The following PELI2 variants were observed in gnomAD, a reference collection of about 807,000 sequenced individuals.
PELI2 encodes the protein pellino E3 ubiquitin protein ligase family member 2, also known as E3 ubiquitin-protein ligase pellino homolog 2.
PELI2 carries 23 observed loss-of-function variants against 42.3 expected under a neutral mutation model. That is an observed-to-expected ratio of 0.54 (90% confidence interval 0.39 to 0.77). PELI2 has a LOEUF of 0.77. PELI2 is among the 30% of genes least tolerant of loss of function. The pLI, the probability that PELI2 is intolerant of heterozygous loss-of-function variation, is 0.00. For synonymous variants in PELI2, 245 were observed against 212.2 expected, an observed-to-expected ratio of 1.15 and a Z score of -1.34; for missense variants, 463 against 553.2, an observed-to-expected ratio of 0.84 and a Z score of 1.64.
intron 5 of PELI2, among the ~76,000 whole-genome samples, chr14:56,294,946 G>A (rs1889951483): frequency 6.6e-6 from 1 of 152,156 alleles, no homozygotes. Context: ...AGACCACAGA[G>A]CTACTAAGTG....
In PELI2 at chr14:56,121,504, CACA is replaced by C. The variant is rs537645578; in HGVS notation, c.77+2770_77+2772del. On this transcript the variant is annotated intron_variant, in intron 1 of 5. Transcript: ENST00000267460. ...TTCCAGCCAGTTAATGTATCATAGC[CACA>C]ACTCTTTGTTGTGTCCACTACTTAA... 1.1e-3 allele frequency among the ~76,000 whole-genome samples: 174 copies of C among 152,232 alleles called. 1 individual carries two copies. The highest frequency in any genetic ancestry group is 4.0e-3 in the African/African-American group (164 of 41,516).
At chr14:56,161,286 A>C (rs1167441382) in intron 1 of PELI2, among the ~76,000 whole-genome samples, 1 of 146,190 alleles carries the variant, frequency 6.8e-6, no homozygotes, top group Non-Finnish European at 1.5e-5. Context: ...GGGGTCTTTC[A>C]TCTGTTCATC....
chr14:56,296,223 G>C lies in PELI2; in HGVS notation c.697-377G>C, dbSNP rs573217990. Among the ~76,000 whole-genome samples, 3 of 152,328 alleles carry C rather than the reference G, an allele frequency of 2.0e-5. No individual in the cohort carries two copies. In the South Asian group the frequency reaches 6.2e-4, roughly 32 times the overall value. ...TCAAGATGAGGATGAGTCTCCACTG[G>C]ATGGACTGGTAGGACATCTCTCATC... On this transcript the variant is annotated intron_variant, in intron 5 of 5. Transcript: ENST00000267460.
intron 1 of PELI2, among the ~76,000 whole-genome samples, chr14:56,151,510 T>C (rs10138039): frequency 7.7e-4 from 117 of 152,302 alleles, no homozygotes; most frequent in African/African-American, 2.7e-3. Flanking sequence ...TAATAATACC[T>C]CAACCATTAG....
intron 2 of PELI2, among the ~76,000 whole-genome samples, chr14:56,258,210 C>T (rs1346388875): frequency 6.6e-6 from 1 of 152,086 alleles, no homozygotes; most frequent in African/African-American, 2.4e-5. Flanking sequence ...AGCTTAAAAG[C>T]AAGTCTTGGG....
chr14:56,291,062 ATTCT>A (rs1336714433), intron 5 of PELI2, among the ~76,000 whole-genome samples: 3 of 152,152 alleles, frequency 2.0e-5, no homozygotes, highest in African/African-American at 7.2e-5. Context: ...TTTTAAACCC[ATTCT>A]TTCTTGGAGA....
At chr14:56,202,931 A>G (rs1403166359) in intron 2 of PELI2, among the ~76,000 whole-genome samples, 4 of 152,188 alleles carry the variant, frequency 2.6e-5, no homozygotes, top group African/African-American at 9.6e-5. Context: ...GCCCTTTATT[A>G]AAAGAGATTA....
intron 2 of PELI2, among the ~76,000 whole-genome samples, chr14:56,187,776 T>C (rs892003063): frequency 6.6e-6 from 1 of 152,004 alleles, no homozygotes; most frequent in African/African-American, 2.4e-5. Context: ...TTCAGGAAGA[T>C]TTGGTTTTGT....
chr14:56,228,819 C>T (rs531508762), intron 2 of PELI2, among the ~76,000 whole-genome samples: 37 of 152,306 alleles, frequency 2.4e-4, no homozygotes, highest in African/African-American at 3.4e-4. Flanking sequence ...ACCTGGGAAG[C>T]GCAAGAGATC....
intron 1 of PELI2, among the ~76,000 whole-genome samples, chr14:56,174,291 C>T (rs1397473767): frequency 6.6e-6 from 1 of 152,248 alleles, no homozygotes; most frequent in African/African-American, 2.4e-5. Flanking sequence ...CATCTTGCCT[C>T]TAATCTGGTC....
At chr14:56,269,307 G>T (rs1566675299) in intron 2 of PELI2, among the ~76,000 whole-genome samples, 1 of 152,000 alleles carries the variant, frequency 6.6e-6, no homozygotes, top group Non-Finnish European at 1.5e-5. Context: ...GCTGGGTGTG[G>T]TGGTGTGCGC....
rs750442538 is a variant in PELI2, at chr14:56,219,631, A to G, written c.207+41167A>G. The stretch of plus-strand genomic sequence containing the variant: ...CTCCTTAGTCCTACTCCCAGGACAC[A>G]TTTGTTCTTGTTTATGGATGATTCT... On this transcript the variant is annotated intron_variant, in intron 2 of 5. Coordinates refer to ENST00000267460, the MANE Select transcript of PELI2 (RefSeq NM_021255.3). The surrounding 1 kb of genome is among the most constrained non-coding windows in gnomAD (Gnocchi z 4.1). 3.9e-5 allele frequency among the ~76,000 whole-genome samples: 6 copies of G among 152,140 alleles called. No individual in the cohort carries two copies. The highest frequency in any genetic ancestry group is 1.2e-4 in the African/African-American group (5 of 41,412).
In PELI2 at chr14:56,296,630, G is replaced by A. The variant is rs368257722; in HGVS notation, c.727G>A (p.Gly243Ser). The A allele has an allele frequency of 7.5e-6, 12 of 1,610,088 alleles. No homozygotes were observed. Among genetic ancestry groups the A allele is most frequent in the Admixed American group, 6.7e-5 (4 of 59,776 alleles). ...AAGTGAGACCAACGTCCTGCAGGAC[G>A]GCTCCCTCATTGACCTGTGTGGGGC... ...VESETNVLQD[G>S]SLIDLCGATL... Residue 243 changes from glycine (G) to serine (S), a missense_variant, in exon 6 of 6, where the codon GGC (glycine) becomes AGC (serine). Gly to Ser is a moderately conservative substitution (Grantham distance 56). This residue lies in a region of PELI2 where 343 missense variants were observed against 378.4 expected (regional missense o/e 0.91). Coordinates refer to ENST00000267460, the MANE Select transcript of PELI2 (RefSeq NM_021255.3).
intron 1 of PELI2, among the ~76,000 whole-genome samples, chr14:56,166,070 T>A (rs972959096): frequency 1.3e-5 from 2 of 152,210 alleles, no homozygotes; most frequent in Non-Finnish European, 2.9e-5. Context: ...TTTCTTCTTG[T>A]CTTCCTCTAG....
intron 2 of PELI2, among the ~76,000 whole-genome samples, chr14:56,182,068 C>A (rs1027320004): frequency 2.6e-5 from 4 of 151,954 alleles, no homozygotes; most frequent in African/African-American, 7.3e-5. Flanking sequence ...AGTGAGTAGG[C>A]AAACGAGAAA....
At chr14:56,191,707 A>G (rs769491191) in intron 2 of PELI2, among the ~76,000 whole-genome samples, 1 of 152,254 alleles carries the variant, frequency 6.6e-6, no homozygotes, top group Non-Finnish European at 1.5e-5. Flanking sequence ...TTGCTGTGCC[A>G]CTAGCAACTT....
chr14:56,179,356 T>C (rs2139669252), intron 2 of PELI2, among the ~76,000 whole-genome samples: 1 of 152,322 alleles, frequency 6.6e-6, no homozygotes, highest in East Asian at 1.9e-4. Flanking sequence ...GAAAAAGGAA[T>C]GGCTTCATGG....
intron 2 of PELI2, among the ~76,000 whole-genome samples, chr14:56,206,736 G>A (rs1271591835): frequency 6.6e-6 from 1 of 151,874 alleles, no homozygotes; most frequent in African/African-American, 2.4e-5. Flanking sequence ...CTGCTGTTGA[G>A]TATTTTATCA....
chr14:56,196,971 T>C (rs1277551069), intron 2 of PELI2, among the ~76,000 whole-genome samples: 1 of 152,230 alleles, frequency 6.6e-6, no homozygotes, highest in Non-Finnish European at 1.5e-5. Context: ...TCTCAAGGTT[T>C]ATGTAACATA....
Sources: allele counts gnomAD v4.1 joint callset (sites outside exome capture counted in the v4.1 genomes callset), GRCh38; gene constraint gnomAD v4.1.1; regional missense constraint gnomAD v4.1.1; non-coding constraint Gnocchi (gnomAD v3.1); transcripts MANE v1.5; gene names NCBI Gene and HGNC (gene_info 2026-07-23, HGNC 2026-07-21).